The following PRPS2 variants were observed in gnomAD, a reference collection of about 807,000 sequenced individuals.
PRPS2 encodes the protein phosphoribosyl pyrophosphate synthetase 2.
For missense variants in PRPS2, 104 were observed against 271.5 expected (o/e 0.38, Z 4.34); for synonymous variants, 111 against 115.3 (o/e 0.96, Z 0.24).
intron 4 of PRPS2, among the ~76,000 whole-genome samples, chrX:12,815,085 A>G (rs1315031809): frequency 1.8e-5 from 2 of 112,866 alleles, no homozygotes; most frequent in Non-Finnish European, 3.7e-5. Flanking sequence ...TTAGGTCTCC[A>G]TGATATACAA....
chrX:12,801,221 C>T (rs781682618), intron 2 of PRPS2, among the ~76,000 whole-genome samples: 1 of 93,370 alleles, frequency 1.1e-5, no homozygotes, highest in African/African-American at 4.0e-5. Context: ...TGCGTGCGCA[C>T]GTGTGTGTGT....
chrX:12,792,346 C>G (rs1479596416), intron 1 of PRPS2, among the ~76,000 whole-genome samples: 1 of 112,283 alleles, frequency 8.9e-6, no homozygotes, highest in Non-Finnish European at 1.9e-5. Flanking sequence ...CCCCTCTGCT[C>G]CCACTACTCT....
intron 1 of PRPS2, among the ~76,000 whole-genome samples, chrX:12,795,798 A>G (rs2042540097): frequency 8.9e-6 from 1 of 112,071 alleles, no homozygotes; most frequent in Non-Finnish European, 1.9e-5. Flanking sequence ...TTTAGGGAAC[A>G]CATTTAAACC....
chrX:12,818,355 T>G (rs1378943968), intron 4 of PRPS2, among the ~76,000 whole-genome samples: 3 of 67,472 alleles, frequency 4.4e-5, no homozygotes, highest in African/African-American at 6.2e-5. Context: ...TCAACAAGAG[T>G]GAAACTGTCT....
intron 2 of PRPS2, among the ~76,000 whole-genome samples, chrX:12,808,288 C>CTGTGTGTTTGTGTGTG (rs746483443): frequency 9.8e-6 from 1 of 102,382 alleles, no homozygotes; most frequent in African/African-American, 3.5e-5. Context: ...CATGAATATA[C>CTGTGTGTTTGTGTGTG]TGTGTGTGTG....
rs746681095 is a variant in PRPS2 at position 12,820,655 on chromosome X, C to T, written c.716C>T (p.Ala239Val). The change falls in exon 6 of 7, where the codon GCT becomes GTT. Residue 239 changes from alanine (A) to valine (V), a missense_variant. Transcript: ENST00000380668. ...CTGCTGTTCTACAGGCTGCTGTCAG[C>T]TGGAGCCACCAAAGTGTATGCTATC... ...ICHAADKLLS[A>V]GATKVYAILT... is the part of the protein sequence containing the mutation. The T allele has an allele frequency of 2.5e-6, 3 of 1,207,344 alleles. No homozygotes were observed. The highest frequency in any genetic ancestry group is 3.4e-6 in the Non-Finnish European group (3 of 893,533).
At chrX:12,797,780 A>G (rs2042551657) in intron 1 of PRPS2, among the ~76,000 whole-genome samples, 1 of 112,253 alleles carries the variant, frequency 8.9e-6, no homozygotes, top group South Asian at 3.7e-4. Context: ...TATGCCAGGG[A>G]TGAGCTGGCT....
At chrX:12,803,160 G>T (rs1328669944) in intron 2 of PRPS2, among the ~76,000 whole-genome samples, 2 of 112,203 alleles carry the variant, frequency 1.8e-5, no homozygotes, top group African/African-American at 6.5e-5. Flanking sequence ...TGCAGGGGAG[G>T]CTCCTCCTTC....
chrX:12,807,411 A>G (rs1423745276), intron 2 of PRPS2, among the ~76,000 whole-genome samples: 1 of 112,579 alleles, frequency 8.9e-6, no homozygotes, highest in Non-Finnish European at 1.9e-5. Context: ...AACTGATTCG[A>G]CAATTGTAGG....
At chrX:12,808,118 C>T (rs751499192) in intron 2 of PRPS2, among the ~76,000 whole-genome samples, 9 of 111,239 alleles carry the variant, frequency 8.1e-5, no homozygotes, top group East Asian at 2.8e-4. Context: ...CCGCCCACCT[C>T]GGCCTCCCAA....
In PRPS2 at chrX:12,810,326, G is replaced by A. The variant is rs140923523; in HGVS notation, c.530+180G>A. 420 of 537,422 alleles carry A rather than the reference G, an allele frequency of 7.8e-4. 3 individuals carry two copies. In the East Asian group the frequency reaches 0.012, roughly 16 times the overall value. 44.3% of individuals were successfully genotyped at this position (537,422 alleles called of 1,213,427 possible). On this transcript the variant is annotated intron_variant, in intron 4 of 6. Coordinates refer to ENST00000380668, the MANE Select transcript of PRPS2 (RefSeq NM_002765.5). ...AACCCATCATCTTTGTTAATATTTC[G>A]TCATTCAGGAAAGAAGAAAATACAG... is the stretch of plus-strand genomic sequence containing the variant.
At chrX:12,794,497 G>A (rs889475050) in intron 1 of PRPS2, among the ~76,000 whole-genome samples, 13 of 111,939 alleles carry the variant, frequency 1.2e-4, no homozygotes, top group African/African-American at 3.3e-4. Flanking sequence ...ATTCAAGGGC[G>A]GGAGACTAGA....
At chrX:12,819,255 C>T (rs957613736) in intron 4 of PRPS2, among the ~76,000 whole-genome samples, 1 of 112,578 alleles carries the variant, frequency 8.9e-6, no homozygotes, top group Non-Finnish European at 1.9e-5. Context: ...AATTCTTACC[C>T]AGTAGTTCTA....
Position 12,799,199 on chromosome X carries a change from T to C in PRPS2, c.123-8T>C. On this transcript the variant is annotated splice_region_variant and splice_polypyrimidine_tract_variant and intron_variant, in intron 1 of 6. Coordinates refer to ENST00000380668, the MANE Select transcript of PRPS2 (RefSeq NM_002765.5). ...CGATATTAACCGATGGCAGTTTTCTTTTCCTAGCGTGGAGATTGGTGAAAG... is the reference window on the plus strand; with the variant it reads ...CGATATTAACCGATGGCAGTTTTCTCTTCCTAGCGTGGAGATTGGTGAAAG... 8.3e-7 allele frequency: 1 copy of C among 1,207,647 alleles called. No individual in the cohort carries two copies. The highest frequency in any genetic ancestry group is 1.7e-5 in the African/African-American group (1 of 57,607).
intron 2 of PRPS2, among the ~76,000 whole-genome samples, chrX:12,802,494 C>T (rs1282912611): frequency 9.0e-6 from 1 of 111,555 alleles, no homozygotes; most frequent in Non-Finnish European, 1.9e-5. Flanking sequence ...TGCGCCACGA[C>T]GCCTGGCTAA....
chrX:12,808,003 G>T (rs2042602526), intron 2 of PRPS2, among the ~76,000 whole-genome samples: 1 of 107,887 alleles, frequency 9.3e-6, no homozygotes, highest in South Asian at 4.1e-4. Flanking sequence ...AAGTAGTTGG[G>T]ACTACAGGCG....
chrX:12,809,425 C>G, intron 3 of PRPS2, 93 bp downstream of exon 3: 1 of 889,742 alleles, frequency 1.1e-6, no homozygotes. Flanking sequence ...TTATATATGG[C>G]TACTCTCTTG....
In PRPS2 at chrX:12,796,305, C is replaced by G. The variant is rs1353673732; in HGVS notation, c.123-2902C>G. Among the ~76,000 whole-genome samples the G allele has an allele frequency of 5.9e-5, 6 of 102,384 alleles. No individual in the cohort carries two copies. The East Asian group carries it at 1.9e-3, about 32-fold the overall frequency. The allele number at this position is 102,384 out of a possible 115,157, so 88.9% of individuals were successfully genotyped here. On this transcript the variant is annotated intron_variant, in intron 1 of 6. Transcript: ENST00000380668. ...GTGCGATCCCAGCTCACTGCAAGCT[C>G]CGCCTCCCGGGTTCAAGTGATTCTC...
chrX:12,812,337 G>C (rs190399569), intron 4 of PRPS2, among the ~76,000 whole-genome samples: 1 of 111,969 alleles, frequency 8.9e-6, no homozygotes, highest in African/African-American at 3.3e-5. Flanking sequence ...ATTCAAATAC[G>C]TACAATTGGC....
Sources: gnomAD v4.1 joint callset for allele counts (sites outside exome capture counted in the v4.1 genomes callset) on GRCh38, gnomAD v4.1.1 for gene constraint, MANE v1.5 for transcripts, NCBI Gene and HGNC (gene_info 2026-07-23, HGNC 2026-07-21) for gene names.